The following CLCN3 variants were observed in gnomAD, a reference collection of about 807,000 sequenced individuals.
CLCN3 encodes the protein H(+)/Cl(-) exchange transporter 3.
Under a neutral mutation model 83.4 loss-of-function variants are expected in CLCN3, and 16 were observed. The observed-to-expected ratio is 0.19, with a 90% confidence interval of 0.13 to 0.29. The LOEUF (loss-of-function observed/expected upper bound fraction) is 0.29, where lower values mean the gene tolerates loss of function less well. Among genes scored for constraint, CLCN3 ranks in the 10% least tolerant of loss-of-function variants. CLCN3 has a pLI of 1.00. For missense variants in CLCN3, 544 were observed against 1,006.0 expected, an observed-to-expected ratio of 0.54 and a Z score of 6.21; for synonymous variants, 322 against 346.2, an observed-to-expected ratio of 0.93 and a Z score of 0.78.
chr4:169,651,169 A>C (rs1235552809), intron 2 of CLCN3, among the ~76,000 whole-genome samples: 3 of 152,010 alleles, frequency 2.0e-5, no homozygotes, highest in Non-Finnish European at 2.9e-5. Flanking sequence ...ATTGCATTGC[A>C]AAAAAAATTT....
intron 2 of CLCN3, among the ~76,000 whole-genome samples, chr4:169,673,253 G>A (rs1731547696): frequency 6.6e-6 from 1 of 152,030 alleles, no homozygotes; most frequent in African/African-American, 2.4e-5. Context: ...AAATTTTCTG[G>A]TTTTCAGAGA....
chr4:169,638,271 A>G (rs890981311), intron 2 of CLCN3, among the ~76,000 whole-genome samples: 1 of 152,170 alleles, frequency 6.6e-6, no homozygotes, highest in Non-Finnish European at 1.5e-5. Context: ...CAGGGACTTC[A>G]GAATACTTTA....
chr4:169,658,352 C>T (rs1221143378), intron 2 of CLCN3, among the ~76,000 whole-genome samples: 1 of 151,910 alleles, frequency 6.6e-6, no homozygotes, highest in Non-Finnish European at 1.5e-5. Context: ...GGATTTCCCC[C>T]ATCAGTGAGT....
chr4:169,675,008 C>G (rs1169460456), intron 2 of CLCN3, among the ~76,000 whole-genome samples: 1 of 152,224 alleles, frequency 6.6e-6, no homozygotes, highest in Non-Finnish European at 1.5e-5. Context: ...TGCCAAAGTA[C>G]TGGGATTACA....
intron 2 of CLCN3, among the ~76,000 whole-genome samples, chr4:169,665,747 T>G (rs1364243482): frequency 6.6e-6 from 1 of 152,220 alleles, no homozygotes; most frequent in Non-Finnish European, 1.5e-5. Context: ...ATGTGTGTCT[T>G]ATGTAACAGT....
chr4:169,655,454 G>A (rs776782530), intron 2 of CLCN3, among the ~76,000 whole-genome samples: 30 of 152,088 alleles, frequency 2.0e-4, no homozygotes, highest in Admixed American at 8.5e-4. Flanking sequence ...CAGGTTTGCC[G>A]GTTTTGGTTC....
chr4:169,662,116 A>G (rs1731077732), intron 2 of CLCN3, among the ~76,000 whole-genome samples: 1 of 152,188 alleles, frequency 6.6e-6, no homozygotes. Context: ...ATAATAAGAA[A>G]TAAGTCAAAA....
intron 3 of CLCN3, among the ~76,000 whole-genome samples, chr4:169,683,468 C>G (rs1732026282): frequency 6.6e-6 from 1 of 152,174 alleles, no homozygotes; most frequent in Non-Finnish European, 1.5e-5. Flanking sequence ...GCCCTCCAAC[C>G]TGGGTGAAAC....
chr4:169,720,752 A>G lies in CLCN3; in HGVS notation c.*755A>G, dbSNP rs1733607641. The G allele has an allele frequency of 1.3e-5, 2 of 152,626 alleles. No homozygotes were observed. The highest frequency in any genetic ancestry group is 2.9e-5 in the Non-Finnish European group (2 of 68,030). The allele number at this position is 152,626 out of a possible 1,614,324, so 9.5% of individuals were successfully genotyped here. A position where few individuals can be genotyped will look rare whatever the true frequency, so the allele number is the denominator to read the frequency against. On this transcript the variant is annotated 3_prime_UTR_variant, in exon 13 of 13. Coordinates refer to ENST00000513761, the MANE Select transcript of CLCN3 (RefSeq NM_001829.4). ...ATGCACCACAACAAAGGCTCATCAA[A>G]CAGGTAAAGTCTCGAAGGAAGCGAG...
chr4:169,693,411 A>T (rs1732445702), intron 7 of CLCN3, among the ~76,000 whole-genome samples: 1 of 152,160 alleles, frequency 6.6e-6, no homozygotes, highest in South Asian at 2.1e-4. Context: ...TTAATACTTA[A>T]TTTCACAGTA....
intron 7 of CLCN3, among the ~76,000 whole-genome samples, chr4:169,692,625 T>G (rs1732415085): frequency 6.6e-6 from 1 of 152,194 alleles, no homozygotes; most frequent in Non-Finnish European, 1.5e-5. Context: ...TCTGAAGTGT[T>G]TTCTAAGCTT....
At position 169,687,683 on chromosome 4, in the gene CLCN3, C is replaced by T. The variant is rs1315731682; in HGVS notation, c.344C>T (p.Ala115Val). Residue 115 changes from alanine to valine, a missense_variant, in exon 4 of 13, where the codon GCA (alanine) becomes GTA (valine). Physicochemically the swap from Ala to Val is moderately conservative, Grantham distance 64 (BLOSUM62 0). Transcript: ENST00000513761. ...RRINSKKKES[A>V]WEMTKSLYDA... The stretch of plus-strand genomic sequence containing the variant: ...ATCAACAGCAAAAAGAAAGAATCAG[C>T]ATGGGAAATGACAAAAAGTTTGTAT... 6.2e-7 allele frequency: 1 copy of T among 1,609,948 alleles called. No individual in the cohort carries two copies. The highest frequency in any genetic ancestry group is 8.5e-7 in the Non-Finnish European group (1 of 1,177,738).
At chr4:169,692,074 T>G in intron 6 of CLCN3, 40 bp from the exon 7 acceptor site, 1 of 1,251,484 alleles carries the variant, frequency 8.0e-7, no homozygotes, top group East Asian at 2.3e-5. Context: ...TTCTCATGTT[T>G]CTTAAAGGAC....
At chr4:169,707,672 G>T (rs1473607714) in intron 11 of CLCN3, among the ~76,000 whole-genome samples, 1 of 152,102 alleles carries the variant, frequency 6.6e-6, no homozygotes, top group Non-Finnish European at 1.5e-5. Context: ...ATCTTCATCA[G>T]TCTCTTTCAT....
At chr4:169,704,211 T>G in intron 10 of CLCN3, 27 bp downstream of exon 10, 2 of 1,592,848 alleles carry the variant, frequency 1.3e-6, no homozygotes, top group Non-Finnish European at 1.7e-6. Flanking sequence ...TGCCTGTGTG[T>G]GGATGTTTGC....
At chr4:169,687,360 C>G (rs1353810180) in intron 3 of CLCN3, among the ~76,000 whole-genome samples, 1 of 152,074 alleles carries the variant, frequency 6.6e-6, no homozygotes, top group Non-Finnish European at 1.5e-5. Flanking sequence ...GCAGGTAGAT[C>G]ATTTGAGCTC....
Position 169,679,898 on chromosome 4 carries a change from G to T in CLCN3, c.161-152G>T. 2 of 513,756 alleles carry T rather than the reference G, an allele frequency of 3.9e-6. 1 individual carries two copies. The highest frequency in any genetic ancestry group is 4.4e-5 in the South Asian group (2 of 45,056). 31.8% of individuals were successfully genotyped at this position (513,756 alleles called of 1,614,324 possible). ...TGGAAGGCGGGAGTCGGAGACGAGG[G>T]AGAGGGGGAGACCGTGGAAAGCGGG... is the stretch of plus-strand genomic sequence containing the variant. On this transcript the variant is annotated intron_variant, in intron 2 of 12. Transcript: ENST00000513761.
chr4:169,679,444 C>T (rs1460411164), intron 2 of CLCN3, among the ~76,000 whole-genome samples: 5 of 150,984 alleles, frequency 3.3e-5, no homozygotes, highest in Admixed American at 2.0e-4. Context: ...ACATCCCAGA[C>T]GATGGGCAGT....
intron 2 of CLCN3, among the ~76,000 whole-genome samples, chr4:169,644,516 A>G (rs1730516648): frequency 6.6e-6 from 1 of 152,208 alleles, no homozygotes; most frequent in South Asian, 2.1e-4. Context: ...TGTTGGGATT[A>G]CAGGCGTGAG....
Sources: allele counts gnomAD v4.1 joint callset (sites outside exome capture counted in the v4.1 genomes callset), GRCh38; gene constraint gnomAD v4.1.1; transcripts MANE v1.5; gene names NCBI Gene and HGNC (gene_info 2026-07-23, HGNC 2026-07-21).